ITGA1: variants seen among roughly 807,000 people sequenced by gnomAD.
The protein encoded by ITGA1 is integrin subunit alpha 1.
In ITGA1, 85 loss-of-function variants were observed where a neutral mutation model predicts 145.9. The ratio of observed to expected loss-of-function variants is 0.58; its 90% CI spans 0.49 to 0.70. ITGA1 has a LOEUF of 0.70. Among genes scored for constraint, ITGA1 ranks in the 30% least tolerant of loss-of-function variants. ITGA1 has a pLI of 0.00. For missense variants in ITGA1, 1,351 were observed against 1,418.7 expected (o/e 0.95, Z 0.77); for synonymous variants, 520 against 495.3 (o/e 1.05, Z -0.66).
Position 52,788,280 on chromosome 5 carries a change from A to C in ITGA1, c.-74A>C. 1 of 1,213,702 alleles carries C rather than the reference A, an allele frequency of 8.2e-7. No individual in the cohort carries two copies. Among genetic ancestry groups the C allele is most frequent in the Non-Finnish European group, 1.1e-6 (1 of 919,088 alleles). 75.2% of individuals were successfully genotyped at this position (1,213,702 alleles called of 1,614,324 possible). A position where few individuals can be genotyped will look rare whatever the true frequency, so the allele number is the denominator to read the frequency against. ...CGGCAGCGGGATAAGTGGCCCAGCC[A>C]GAGAGCGCAGCTCCCGCGCCCGGTC... On this transcript the variant is annotated 5_prime_UTR_variant, in exon 1 of 29. Transcript: ENST00000282588.
At chr5:52,883,303 A>T (rs1749991515) in intron 7 of ITGA1, among the ~76,000 whole-genome samples, 1 of 152,250 alleles carries the variant, frequency 6.6e-6, no homozygotes, top group Non-Finnish European at 1.5e-5. Context: ...AAGAATGAAT[A>T]TTCATCTCTG....
Position 52,893,745 on chromosome 5 carries a change from G to A in ITGA1, c.995G>A (p.Ser332Asn), listed in dbSNP as rs145224533. 2.3e-5 allele frequency: 37 copies of A among 1,612,896 alleles called. No homozygotes were observed. In the African/African-American group the frequency reaches 4.0e-4, roughly 17 times the overall value. ...KFVEEIKSIA[S>N]EPTEKHFFNV... ...GTGGAGGAAATAAAATCAATTGCAA[G>A]TGAACCCACTGAAAAGCATTTCTTC... Residue 332 changes from serine to asparagine, a missense_variant, in exon 9 of 29, where the codon AGT (serine) becomes AAT (asparagine). Ser to Asn is a conservative substitution (Grantham distance 46). Transcript: ENST00000282588.
chr5:52,805,646 A>G (rs1410357984), intron 1 of ITGA1, among the ~76,000 whole-genome samples: 2 of 152,242 alleles, frequency 1.3e-5, no homozygotes, highest in East Asian at 1.9e-4. Flanking sequence ...TGGTGGTTAA[A>G]TTTACTAAAA....
At chr5:52,912,681 A>T (rs539278862) in intron 14 of ITGA1, among the ~76,000 whole-genome samples, 3 of 145,194 alleles carry the variant, frequency 2.1e-5, no homozygotes, top group African/African-American at 7.6e-5. Context: ...AACTATATAT[A>T]GTGTGTGTAT....
rs373150465 is a variant in ITGA1, at chr5:52,894,268, T to C, written c.1090+428T>C. 3.9e-5 allele frequency among the ~76,000 whole-genome samples: 6 copies of C among 152,206 alleles called. No individual in the cohort carries two copies. In the East Asian group the frequency reaches 9.6e-4, roughly 24 times the overall value. On this transcript the variant is annotated intron_variant, in intron 9 of 28. Transcript: ENST00000282588. ...GTGCTCTTATGCAATAACTTCTTTG[T>C]TCACTTATTTTCTCTGTATTTTGCT... is the stretch of plus-strand genomic sequence containing the variant.
At chr5:52,913,881 T>C (rs1344430129) in intron 14 of ITGA1, among the ~76,000 whole-genome samples, 1 of 152,188 alleles carries the variant, frequency 6.6e-6, no homozygotes, top group Non-Finnish European at 1.5e-5. Flanking sequence ...ATCCATTTGA[T>C]AAATAATTTG....
Position 52,925,348 on chromosome 5 carries a change from C to T in ITGA1, c.2474C>T (p.Thr825Ile), listed in dbSNP as rs1399070387. 2 of 1,613,972 alleles carry T rather than the reference C, an allele frequency of 1.2e-6. No individual in the cohort carries two copies. The highest frequency in any genetic ancestry group is 4.5e-5 in the East Asian group (2 of 44,878). ...GACCTCAGCCTGCATGTCGCCACCA[C>T]TGAAAAGGACCTGCTGATTGTCCGA... is the stretch of plus-strand genomic sequence containing the variant. ...ISDLSLHVAT[T>I]EKDLLIVRSQ... The change falls in exon 19 of 29, where the codon ACT becomes ATT. Residue 825 changes from threonine to isoleucine, a missense_variant. Coordinates refer to ENST00000282588, the MANE Select transcript of ITGA1 (RefSeq NM_181501.2).
At chr5:52,891,223 C>T (rs1039411387) in intron 8 of ITGA1, among the ~76,000 whole-genome samples, 2 of 149,954 alleles carry the variant, frequency 1.3e-5, no homozygotes, top group African/African-American at 4.9e-5. Context: ...TATACTATTT[C>T]CTTTCTTTGG....
intron 1 of ITGA1, among the ~76,000 whole-genome samples, chr5:52,837,146 G>A (rs182588644): frequency 3.9e-4 from 60 of 152,296 alleles, no homozygotes; most frequent in Non-Finnish European, 5.3e-4. Flanking sequence ...CAAAGAATCA[G>A]ACTGATGAAT....
At chr5:52,815,366 CA>C (rs1748749818) in intron 1 of ITGA1, among the ~76,000 whole-genome samples, 1 of 152,174 alleles carries the variant, frequency 6.6e-6, no homozygotes, top group Non-Finnish European at 1.5e-5. Context: ...ATAAAACATT[CA>C]AAATAGTGAA....
At chr5:52,871,727 TC>T (rs1230109567) in intron 6 of ITGA1, among the ~76,000 whole-genome samples, 1 of 129,516 alleles carries the variant, frequency 7.7e-6, no homozygotes, top group African/African-American at 3.2e-5. Flanking sequence ...AAACATTCAC[TC>T]TAAAGAGTTA....
At chr5:52,827,887 A>T (rs538157988) in intron 1 of ITGA1, among the ~76,000 whole-genome samples, 1 of 152,352 alleles carries the variant, frequency 6.6e-6, no homozygotes, top group Admixed American at 6.5e-5. Flanking sequence ...CACAACTTTT[A>T]TATGCACTGG....
chr5:52,910,373 A>C lies in ITGA1; in HGVS notation c.1811A>C (p.Tyr604Ser). 1 of 1,613,814 alleles carries C rather than the reference A, an allele frequency of 6.2e-7. No individual in the cohort carries two copies. Among genetic ancestry groups the C allele is most frequent in the Non-Finnish European group, 8.5e-7 (1 of 1,179,816 alleles). Residue 604 changes from tyrosine to serine, a missense_variant, in exon 14 of 29, where the codon TAC (tyrosine) becomes TCC (serine). Transcript: ENST00000282588. ...GAAGATGATCACGGGGGAGCTGTGTACATTTATCATGGAAGTGGCAAGACT... is the reference window on the plus strand; with the variant it reads ...GAAGATGATCACGGGGGAGCTGTGTCCATTTATCATGGAAGTGGCAAGACT... ...PLEDDHGGAV[Y>S]IYHGSGKTIR...
chr5:52,949,704 A>C (rs1056894627), intron 28 of ITGA1, among the ~76,000 whole-genome samples: 2 of 151,984 alleles, frequency 1.3e-5, no homozygotes, highest in Non-Finnish European at 2.9e-5. Flanking sequence ...TTGGTTTTGG[A>C]ATGAGGGTCC....
At chr5:52,796,344 T>C (rs888168861) in intron 1 of ITGA1, among the ~76,000 whole-genome samples, 2 of 151,820 alleles carry the variant, frequency 1.3e-5, no homozygotes, top group Non-Finnish European at 3.0e-5. Flanking sequence ...TTAATATAAA[T>C]AAGACATTGT....
intron 19 of ITGA1, among the ~76,000 whole-genome samples, chr5:52,926,548 G>A (rs1750814024): frequency 6.6e-6 from 1 of 152,130 alleles, no homozygotes; most frequent in South Asian, 2.1e-4. Context: ...GTTGCAGTGA[G>A]CCGAGATTGC....
chr5:52,934,807 A>T (rs977536012), intron 23 of ITGA1, among the ~76,000 whole-genome samples: 6 of 151,968 alleles, frequency 3.9e-5, no homozygotes, highest in Non-Finnish European at 8.8e-5. Context: ...CCACAAAAAA[A>T]AGTTCTCTCA....
chr5:52,827,565 C>T (rs66778208), intron 1 of ITGA1, among the ~76,000 whole-genome samples: 19,419 of 152,090 alleles, frequency 0.13, 1,570 homozygotes, highest in African/African-American at 0.23. Context: ...GATATTCAAC[C>T]GTGGGTAAAA....
At chr5:52,881,835 T>C in intron 6 of ITGA1, 38 bp from the exon 7 acceptor site, 1 of 1,566,144 alleles carries the variant, frequency 6.4e-7, no homozygotes, top group Non-Finnish European at 8.7e-7. Context: ...ACAGGAAATT[T>C]GGATTGACGT....
Sources: gnomAD v4.1 joint callset for allele counts (sites outside exome capture counted in the v4.1 genomes callset) on GRCh38, gnomAD v4.1.1 for gene constraint, MANE v1.5 for transcripts, NCBI Gene and HGNC (gene_info 2026-07-23, HGNC 2026-07-21) for gene names.